The following MTCL2 variants were observed in gnomAD, a reference collection of about 807,000 sequenced individuals.
The protein encoded by MTCL2 is microtubule cross-linking factor 2.
the MTCL2 span, among the ~76,000 whole-genome samples, chr20:36,841,012 A>G: frequency 3.3e-5 from 5 of 151,808 alleles, no homozygotes; most frequent in Non-Finnish European, 7.4e-5. Context: ...GAAAATAATA[A>G]TAACAAAAGA....
At chr20:36,793,535 G>A in the MTCL2 span, 62 of 1,551,566 alleles carry the variant, frequency 4.0e-5, no homozygotes, top group South Asian at 3.3e-4. The surrounding 1 kb of genome is among the most constrained non-coding windows in gnomAD (Gnocchi z 6.8). Flanking sequence ...CTTGGCCCGC[G>A]TCTCAGACAT....
At chr20:36,798,896 G>A in the MTCL2 span, among the ~76,000 whole-genome samples, 1 of 152,094 alleles carries the variant, frequency 6.6e-6, no homozygotes, top group South Asian at 2.1e-4. Context: ...AAAACTAGTA[G>A]GCTACGGCTA....
At chr20:36,860,372 T>C in the MTCL2 span, among the ~76,000 whole-genome samples, 1 of 152,202 alleles carries the variant, frequency 6.6e-6, no homozygotes, top group Non-Finnish European at 1.5e-5. Flanking sequence ...TGTATGACTA[T>C]TGTTTAATTC....
the MTCL2 span, chr20:36,816,123 T>A: frequency 1.2e-6 from 2 of 1,613,104 alleles, no homozygotes; most frequent in Non-Finnish European, 1.7e-6. Context: ...CTCCCGCGAG[T>A]GGGGGGCATC....
chr20:36,816,496 C>T, the MTCL2 span, among the ~76,000 whole-genome samples: 3 of 152,066 alleles, frequency 2.0e-5, no homozygotes, highest in Non-Finnish European at 4.4e-5. Flanking sequence ...AAGGATGGGG[C>T]GCCACACATA....
the MTCL2 span, among the ~76,000 whole-genome samples, chr20:36,838,020 T>G: frequency 6.6e-6 from 1 of 151,804 alleles, no homozygotes; most frequent in Non-Finnish European, 1.5e-5. Context: ...AAACCAGCCT[T>G]GACCAACTCT....
the MTCL2 span, among the ~76,000 whole-genome samples, chr20:36,860,795 A>AGACCC: frequency 6.6e-6 from 1 of 152,214 alleles, no homozygotes; most frequent in South Asian, 2.1e-4. Context: ...AGGAAGCGAC[A>AGACCC]GACCCCAGAT....
At chr20:36,860,286 C>A in the MTCL2 span, among the ~76,000 whole-genome samples, 2 of 152,188 alleles carry the variant, frequency 1.3e-5, no homozygotes, top group Admixed American at 6.5e-5. Context: ...CCTCCCTGTG[C>A]ACCCCAGCCC....
chr20:36,805,205 C>T, the MTCL2 span, among the ~76,000 whole-genome samples: 2 of 152,172 alleles, frequency 1.3e-5, no homozygotes, highest in African/African-American at 2.4e-5. Flanking sequence ...GCGTCTGTGC[C>T]GTGGGTCCTT....
chr20:36,797,687 T>A, the MTCL2 span: 1 of 958,670 alleles, frequency 1.0e-6, no homozygotes, highest in East Asian at 2.7e-5. Context: ...ACCTACATCA[T>A]GGACAAGGGG....
the MTCL2 span, chr20:36,863,169 G>A: frequency 7.4e-7 from 1 of 1,342,774 alleles, no homozygotes. The surrounding 1 kb of genome is among the most constrained non-coding windows in gnomAD (Gnocchi z 6.2). Context: ...GCAGGCGACT[G>A]CTGAGCCCGG....
chr20:36,808,097 G>A, the MTCL2 span, among the ~76,000 whole-genome samples: 2 of 149,534 alleles, frequency 1.3e-5, no homozygotes, highest in Non-Finnish European at 3.0e-5. Flanking sequence ...GGATGGTCTC[G>A]ATCTCCTGAC....
chr20:36,861,500 A>AT, the MTCL2 span, among the ~76,000 whole-genome samples: 1 of 152,090 alleles, frequency 6.6e-6, no homozygotes, highest in Non-Finnish European at 1.5e-5. Context: ...AGACACCAAC[A>AT]CTCTAATGAG....
At chr20:36,815,189 G>A in the MTCL2 span, 2 of 1,613,552 alleles carry the variant, frequency 1.2e-6, no homozygotes, top group Non-Finnish European at 1.7e-6. This position sits in a 1 kb window ranked among gnomAD's most constrained non-coding sequence, Gnocchi z 5.3. Context: ...GGGAGCCCAA[G>A]GGGGGCAGTG....
At chr20:36,841,972 C>T in the MTCL2 span, among the ~76,000 whole-genome samples, 2 of 151,362 alleles carry the variant, frequency 1.3e-5, no homozygotes, top group African/African-American at 4.9e-5. Flanking sequence ...CTCAAGCAAT[C>T]TGCCTAGCTC....
At chr20:36,861,138 G>A in the MTCL2 span, among the ~76,000 whole-genome samples, 2 of 152,170 alleles carry the variant, frequency 1.3e-5, no homozygotes, top group East Asian at 1.9e-4. Context: ...TTCGGTTAAG[G>A]CCAATTCAGG....
At chr20:36,786,635 G>A in the MTCL2 span, 26 of 1,549,054 alleles carry the variant, frequency 1.7e-5, no homozygotes, top group African/African-American at 1.2e-4. Flanking sequence ...CACAAACAGC[G>A]TCCTAGGAAG....
At chr20:36,821,726 A>G in the MTCL2 span, among the ~76,000 whole-genome samples, 3 of 152,160 alleles carry the variant, frequency 2.0e-5, no homozygotes, top group African/African-American at 7.2e-5. Flanking sequence ...TCCAAAAAAG[A>G]AAAAAAGCAT....
At chr20:36,801,995 T>C in the MTCL2 span, among the ~76,000 whole-genome samples, 1 of 150,386 alleles carries the variant, frequency 6.6e-6, no homozygotes, top group African/African-American at 2.5e-5. Context: ...ATAAATAAAA[T>C]AAAAGTAAGG....
Sources: gnomAD v4.1 joint callset for allele counts (sites outside exome capture counted in the v4.1 genomes callset) on GRCh38, gnomAD v4.1.1 for gene constraint, Gnocchi (gnomAD v3.1) non-coding constraint, MANE v1.5 for transcripts, NCBI Gene and HGNC (gene_info 2026-07-23, HGNC 2026-07-21) for gene names.